DCHS2: variants seen among roughly 807,000 people sequenced by gnomAD.
DCHS2 encodes the protein dachsous cadherin-related 2.
Under a neutral mutation model 182.4 loss-of-function variants are expected in DCHS2, and 142 were observed. The observed-to-expected ratio is 0.78, with a 90% CI of 0.68 to 0.89. The LOEUF is 0.89. Among genes scored for constraint, DCHS2 ranks in the 40% least tolerant of loss-of-function variants. DCHS2 has a pLI of 0.00. For missense variants in DCHS2, 4,319 were observed against 4,198.6 expected, an observed-to-expected ratio of 1.03 and a Z score of -0.79; for synonymous variants, 1,740 against 1,663.3, an observed-to-expected ratio of 1.05 and a Z score of -1.12.
rs560957379 is a variant in DCHS2, at chr4:154,489,435, G to A, written c.1921C>T (p.Pro641Ser). ...LKVVAQDLGEPPLSATCLVSI... is the reference protein window; with the variant it reads ...LKVVAQDLGESPLSATCLVSI... The stretch of plus-strand genomic sequence containing the variant: ...ACCAGGCAGGTGGCAGAGAGTGGGG[G>A]CTCTCCGAGGTCCTGGGCCACCACT... The change falls in exon 1 of 20, where the codon CCC becomes TCC. Residue 641 changes from proline to serine, a missense_variant. By Grantham distance (74) the Pro-to-Ser change is moderately conservative (BLOSUM62 -1). Transcript: ENST00000357232. 13 of 1,551,722 alleles carry A rather than the reference G, an allele frequency of 8.4e-6. No individual in the cohort carries two copies. The African/African-American group carries it at 1.8e-4, about 21-fold the overall frequency.
chr4:154,334,864 T>A lies in DCHS2; in HGVS notation c.2713+4A>T, dbSNP rs1303081462. ...TCCATGCAGCATAAGAAATAAGTAC[T>A]TACTCAAGGGCTCTCTTGCTTTCAC... is the stretch of plus-strand genomic sequence containing the variant. On this transcript the variant is annotated splice_donor_region_variant and intron_variant, in intron 4 of 19. Coordinates refer to ENST00000357232, the MANE Select transcript of DCHS2 (RefSeq NM_001358235.2). The A allele has an allele frequency of 6.2e-7, 1 of 1,600,386 alleles. No individual in the cohort carries two copies. The highest frequency in any genetic ancestry group is 1.1e-5 in the South Asian group (1 of 90,742).
At chr4:154,452,494 C>T (rs989004635) in intron 1 of DCHS2, among the ~76,000 whole-genome samples, 2 of 151,878 alleles carry the variant, frequency 1.3e-5, no homozygotes, top group Non-Finnish European at 2.9e-5. Context: ...TGTGGTGGCA[C>T]GTGCCTGTAG....
intron 3 of DCHS2, chr4:154,343,767 C>T (rs577647385): frequency 6.7e-5 from 68 of 1,021,918 alleles, no homozygotes; most frequent in African/African-American, 4.1e-4. Flanking sequence ...GTCTCTTTTG[C>T]TTTCTTATCA....
intron 1 of DCHS2, among the ~76,000 whole-genome samples, chr4:154,414,470 T>C (rs1732750584): frequency 1.5e-5 from 2 of 134,520 alleles, no homozygotes; most frequent in South Asian, 5.0e-4. Flanking sequence ...AGACAAAAAA[T>C]ATCTCCATAC....
intron 2 of DCHS2, among the ~76,000 whole-genome samples, chr4:154,373,700 G>T (rs558575500): frequency 6.6e-6 from 1 of 152,232 alleles, no homozygotes; most frequent in East Asian, 1.9e-4. Flanking sequence ...GAGGGGCCCT[G>T]CTTCCAAGAG....
chr4:154,298,975 C>T (rs973507212), intron 12 of DCHS2, among the ~76,000 whole-genome samples: 1 of 152,126 alleles, frequency 6.6e-6, no homozygotes, highest in Non-Finnish European at 1.5e-5. Context: ...CTTGCTTTCA[C>T]TAATTTGCAG....
intron 7 of DCHS2, 27 bp from the exon 8 acceptor site, chr4:154,322,515 G>A (rs1161991544): frequency 1.9e-6 from 3 of 1,573,082 alleles, no homozygotes; most frequent in Non-Finnish European, 2.6e-6. Context: ...ATTAAGAAAT[G>A]AATGTTAATT....
chr4:154,371,775 A>G (rs1358246661), intron 2 of DCHS2, among the ~76,000 whole-genome samples: 3 of 152,138 alleles, frequency 2.0e-5, no homozygotes, highest in African/African-American at 7.2e-5. Context: ...AGGCGGAGGC[A>G]GAGGGGTGTT....
Position 154,491,098 on chromosome 4 carries a change from G to C in DCHS2, c.258C>G (p.Ile86Met). The C allele has an allele frequency of 3.2e-6, 5 of 1,551,364 alleles. No individual in the cohort carries two copies. Among genetic ancestry groups the C allele is most frequent in the Non-Finnish European group, 4.4e-6 (5 of 1,146,952 alleles). ...GCTGCGCGGCCGGCAGCCCGGCGCG[G>C]ATGTCACCTACCAGCGTGTCCGGGG... ...GLPPDTLVGDIRAGLPAAQQQ... is the reference protein window; with the variant it reads ...GLPPDTLVGDMRAGLPAAQQQ... The change falls in exon 1 of 20, where the codon ATC becomes ATG. Residue 86 changes from isoleucine (I) to methionine (M), a missense_variant. Ile to Met is a conservative substitution (Grantham distance 10, BLOSUM62 1). Coordinates refer to ENST00000357232, the MANE Select transcript of DCHS2 (RefSeq NM_001358235.2).
intron 13 of DCHS2, among the ~76,000 whole-genome samples, chr4:154,281,278 T>G (rs1472329937): frequency 6.6e-6 from 1 of 152,154 alleles, no homozygotes; most frequent in Non-Finnish European, 1.5e-5. Flanking sequence ...TAATCCTGTA[T>G]GTGTAAAACC....
rs566989286 is a variant in DCHS2 at position 154,346,698 on chromosome 4, A to G, written c.2477-11594T>C. The stretch of plus-strand genomic sequence containing the variant: ...TGAGCTGCTTCTACTTAAGACCACA[A>G]AATTTGTCCCTGGCCAGTGGGAAAC... On this transcript the variant is annotated intron_variant, in intron 3 of 19. Transcript: ENST00000357232. Among the ~76,000 whole-genome samples, 54 of 152,010 alleles carry G rather than the reference A, an allele frequency of 3.6e-4. 1 individual carries two copies. Among genetic ancestry groups the G allele is most frequent in the African/African-American group, 1.2e-3 (48 of 41,282 alleles).
At chr4:154,403,325 T>C (rs1170430742) in intron 1 of DCHS2, among the ~76,000 whole-genome samples, 1 of 152,184 alleles carries the variant, frequency 6.6e-6, no homozygotes, top group Non-Finnish European at 1.5e-5. Flanking sequence ...TTAGGTCCTA[T>C]TTTCAGTTTG....
Position 154,236,075 on chromosome 4 carries a change from A to T in DCHS2, c.8577T>A (p.Asp2859Glu). Reference sequence around the variant, plus strand: ...CCCAGACCACTAAGGAGGCAGTTGCATCACCTTTGTCTTTGGCTTGGACTG... The same window carrying T: ...CCCAGACCACTAAGGAGGCAGTTGCTTCACCTTTGTCTTTGGCTTGGACTG... Reference protein sequence around the residue: ...CLTVQAKDKGDATASLVVWVD... With the variant: ...CLTVQAKDKGEATASLVVWVD... The change falls in exon 20 of 20, where the codon GAT (aspartate) becomes GAA (glutamate). Residue 2859 changes from aspartate (D) to glutamate (E), a missense_variant. Transcript: ENST00000357232. 6.2e-7 allele frequency: 1 copy of T among 1,613,798 alleles called. No individual in the cohort carries two copies. The highest frequency in any genetic ancestry group is 8.5e-7 in the Non-Finnish European group (1 of 1,179,930).
chr4:154,368,960 T>A, intron 2 of DCHS2, among the ~76,000 whole-genome samples: 1 of 152,196 alleles, frequency 6.6e-6, no homozygotes, highest in East Asian at 1.9e-4. Flanking sequence ...TTCTACTCCA[T>A]CAGTATAAAA....
At chr4:154,453,119 C>A (rs1451707860) in intron 1 of DCHS2, among the ~76,000 whole-genome samples, 1 of 151,904 alleles carries the variant, frequency 6.6e-6, no homozygotes. Context: ...GAGACCATCC[C>A]GTGCATGCAG....
At chr4:154,365,264 G>A (rs890633501) in intron 3 of DCHS2, among the ~76,000 whole-genome samples, 2 of 152,074 alleles carry the variant, frequency 1.3e-5, no homozygotes, top group Non-Finnish European at 2.9e-5. Flanking sequence ...TACTTTGGAC[G>A]CCTGTAAAAA....
At chr4:154,436,688 T>C (rs1456573564) in intron 1 of DCHS2, among the ~76,000 whole-genome samples, 1 of 152,226 alleles carries the variant, frequency 6.6e-6, no homozygotes, top group Non-Finnish European at 1.5e-5. Context: ...GATTTTTATT[T>C]GGGCTAAAAT....
chr4:154,331,339 A>G (rs1162201403), intron 5 of DCHS2, among the ~76,000 whole-genome samples: 1 of 152,214 alleles, frequency 6.6e-6, no homozygotes, highest in African/African-American at 2.4e-5. Context: ...AGGGGAGGGA[A>G]GATCACGGGG....
intron 1 of DCHS2, among the ~76,000 whole-genome samples, chr4:154,456,259 C>G (rs189578307): frequency 2.2e-4 from 34 of 152,260 alleles, no homozygotes; most frequent in Non-Finnish European, 4.3e-4. Flanking sequence ...TGCTATCTCT[C>G]AGGGGCTGTG....
Sources: gnomAD v4.1 joint callset for allele counts (sites outside exome capture counted in the v4.1 genomes callset) on GRCh38, gnomAD v4.1.1 for gene constraint, MANE v1.5 for transcripts, NCBI Gene and HGNC (gene_info 2026-07-23, HGNC 2026-07-21) for gene names.